TRHDE: variants seen among roughly 807,000 people sequenced by gnomAD.
TRHDE encodes the protein thyrotropin releasing hormone degrading enzyme.
In TRHDE, 72 loss-of-function variants were observed where a neutral mutation model predicts 125.7. The observed-to-expected ratio is 0.57, with a 90% CI of 0.47 to 0.70. The LOEUF is 0.70. TRHDE is among the 30% of genes least tolerant of loss of function. The pLI is 0.00. For synonymous variants in TRHDE, 509 were observed against 509.1 expected (o/e 1.00, Z 0.00); for missense variants, 1,110 against 1,327.1 (o/e 0.84, Z 2.54).
intron 2 of TRHDE, among the ~76,000 whole-genome samples, chr12:72,350,369 C>G (rs1371558547): frequency 6.6e-6 from 1 of 152,010 alleles, no homozygotes. Flanking sequence ...CCACACATCT[C>G]TCTGTTGCAA....
intron 3 of TRHDE, among the ~76,000 whole-genome samples, chr12:72,436,682 A>G (rs1370441900): frequency 1.3e-5 from 2 of 151,908 alleles, no homozygotes; most frequent in Admixed American, 1.3e-4. Flanking sequence ...AGAATTAATG[A>G]TCTTGAACTT....
At chr12:72,276,820 C>T (rs1226726404) in intron 1 of TRHDE, among the ~76,000 whole-genome samples, 3 of 152,204 alleles carry the variant, frequency 2.0e-5, no homozygotes, top group African/African-American at 7.2e-5. Context: ...TACATACTCA[C>T]TTTTTCATCA....
At chr12:72,633,607 T>A (rs4497445) in intron 15 of TRHDE, among the ~76,000 whole-genome samples, 8,762 of 152,134 alleles carry the variant, frequency 0.058, 837 homozygotes, top group African/African-American at 0.2. Flanking sequence ...CAAACAGCAT[T>A]GCTTCCTAGT....
chr12:72,301,087 C>G (rs1469170981), intron 2 of TRHDE, among the ~76,000 whole-genome samples: 1 of 152,006 alleles, frequency 6.6e-6, no homozygotes, highest in Admixed American at 6.6e-5. Context: ...ATGATCCTGT[C>G]GTATCAGTGA....
At chr12:72,187,014 G>C (rs764774202) in intron 2 of TRHDE, among the ~76,000 whole-genome samples, 5 of 152,052 alleles carry the variant, frequency 3.3e-5, no homozygotes, top group Non-Finnish European at 7.4e-5. Context: ...TCACAGTTTA[G>C]ATGGAACTGT....
rs575383648 is a variant in TRHDE, at chr12:72,321,102, C to T, written c.1188+34148C>T. Among the ~76,000 whole-genome samples the T allele has an allele frequency of 3.4e-4, 52 of 152,252 alleles. No homozygotes were observed. The Middle Eastern group carries it at 0.014, about 40-fold the overall frequency. Reference sequence around the variant, plus strand: ...ATGAGCAGGGTGAGAGAAAAATAAACTTGTGATTCTCAGCAATTTTATGTC... The same window carrying T: ...ATGAGCAGGGTGAGAGAAAAATAAATTTGTGATTCTCAGCAATTTTATGTC... On this transcript the variant is annotated intron_variant, in intron 2 of 18. Transcript: ENST00000261180.
chr12:72,514,492 G>C (rs932992534), intron 6 of TRHDE, among the ~76,000 whole-genome samples: 13 of 151,982 alleles, frequency 8.6e-5, no homozygotes, highest in African/African-American at 3.1e-4. Flanking sequence ...AAGAGCTAAA[G>C]AGAGAATTAT....
intron 1 of TRHDE, among the ~76,000 whole-genome samples, chr12:72,275,637 T>C (rs1331190452): frequency 2.6e-5 from 4 of 152,206 alleles, no homozygotes; most frequent in Non-Finnish European, 5.9e-5. Flanking sequence ...AATAAATGCT[T>C]TTGAAAAATC....
chr12:72,146,380 T>C (rs1446917929), intron 2 of TRHDE, among the ~76,000 whole-genome samples: 1 of 152,202 alleles, frequency 6.6e-6, no homozygotes, highest in East Asian at 1.9e-4. Flanking sequence ...TATTTTTACT[T>C]ATGCTGCCTC....
At chr12:72,293,854 G>T (rs972194428) in intron 2 of TRHDE, among the ~76,000 whole-genome samples, 8 of 152,168 alleles carry the variant, frequency 5.3e-5, no homozygotes, top group Non-Finnish European at 1.2e-4. Flanking sequence ...TACTGGCCTA[G>T]GTCCCACACT....
chr12:72,507,254 A>G (rs1878394009), intron 6 of TRHDE, among the ~76,000 whole-genome samples: 1 of 152,220 alleles, frequency 6.6e-6, no homozygotes. Context: ...CATTGCTGTA[A>G]AGATACCTGA....
intron 1 of TRHDE, among the ~76,000 whole-genome samples, chr12:72,099,340 T>A (rs1018539849): frequency 2.0e-5 from 3 of 152,208 alleles, no homozygotes; most frequent in Admixed American, 6.5e-5. Context: ...TATGTCAGCA[T>A]AGCCTTACCA....
At position 72,373,879 on chromosome 12, in the gene TRHDE, T is replaced by C. The variant is rs554099549; in HGVS notation, c.1189-4116T>C. On this transcript the variant is annotated intron_variant, in intron 2 of 18. Transcript: ENST00000261180. Reference sequence around the variant, plus strand: ...AAAGGGATTAGATTAGTATAGGACATTTGGGGCCCTTGTAAAAACCTTGGC... The same window carrying C: ...AAAGGGATTAGATTAGTATAGGACACTTGGGGCCCTTGTAAAAACCTTGGC... Among the ~76,000 whole-genome samples the C allele has an allele frequency of 2.0e-5, 3 of 152,232 alleles. No individual in the cohort carries two copies. In the South Asian group the frequency reaches 6.2e-4, roughly 32 times the overall value.
At chr12:72,477,796 C>T (rs1272257845) in intron 5 of TRHDE, among the ~76,000 whole-genome samples, 1 of 151,990 alleles carries the variant, frequency 6.6e-6, no homozygotes, top group Non-Finnish European at 1.5e-5. Context: ...GATCTGGTGC[C>T]GATGCAGGTC....
chr12:72,092,928 C>A (rs1874826309), intron 1 of TRHDE, among the ~76,000 whole-genome samples: 1 of 152,182 alleles, frequency 6.6e-6, no homozygotes, highest in South Asian at 2.1e-4. Flanking sequence ...ATCTTAGCCT[C>A]CCCAAGGCTT....
intron 7 of TRHDE, among the ~76,000 whole-genome samples, chr12:72,556,360 A>C (rs1407145718): frequency 6.6e-6 from 1 of 152,238 alleles, no homozygotes; most frequent in Non-Finnish European, 1.5e-5. Flanking sequence ...ATCATTGGGA[A>C]GGATGAAGAA....
chr12:72,140,845 C>T (rs1040254657), intron 2 of TRHDE, among the ~76,000 whole-genome samples: 3 of 152,024 alleles, frequency 2.0e-5, no homozygotes, highest in African/African-American at 7.2e-5. Context: ...AATAGTGTAA[C>T]TCATTGAGCA....
At chr12:72,533,493 TGA>T (rs1868671020) in intron 6 of TRHDE, among the ~76,000 whole-genome samples, 1 of 152,112 alleles carries the variant, frequency 6.6e-6, no homozygotes, top group Admixed American at 6.6e-5. Flanking sequence ...TCTTCTAATC[TGA>T]GTTTTCATAT....
chr12:72,267,598 A>AT (rs1353641987), upstream of TRHDE, among the ~76,000 whole-genome samples: 1 of 151,996 alleles, frequency 6.6e-6, no homozygotes, highest in Non-Finnish European at 1.5e-5. Flanking sequence ...ATGAGCTCTT[A>AT]TCACACCATT....
Sources: allele counts gnomAD v4.1 joint callset (sites outside exome capture counted in the v4.1 genomes callset), GRCh38; gene constraint gnomAD v4.1.1; transcripts MANE v1.5; gene names NCBI Gene and HGNC (gene_info 2026-07-23, HGNC 2026-07-21).